Variants in GPRC5A observed in about 807,000 individuals in gnomAD.
GPRC5A encodes G protein-coupled receptor class C group 5 member A, also known as retinoic acid-induced protein 3.
A neutral mutation model predicts 22.5 loss-of-function variants in GPRC5A; 19 were observed. That is an observed-to-expected ratio of 0.85 (90% CI 0.59 to 1.24). The LOEUF (loss-of-function observed/expected upper bound fraction) is 1.24. Ranked by LOEUF, GPRC5A falls within the 50% of genes most tolerant of loss-of-function variation. The probability of loss-of-function intolerance (pLI) is 0.00; values close to 1 mark genes in which losing one functional copy is unlikely to be tolerated. For synonymous variants in GPRC5A, 192 were observed against 184.5 expected (o/e 1.04, Z -0.33); for missense variants, 471 against 451.1 (o/e 1.04, Z -0.40).
intron 1 of GPRC5A, among the ~76,000 whole-genome samples, chr12:12,893,555 C>T (rs891898749): frequency 3.9e-5 from 6 of 152,112 alleles, no homozygotes; most frequent in Non-Finnish European, 7.4e-5. Flanking sequence ...ATGGTCTGCA[C>T]ATTTCTTATT....
At chr12:12,909,972 G>T (rs570968509) in intron 2 of GPRC5A, 12 of 146,142 alleles carry the variant, frequency 8.2e-5, no homozygotes, top group African/African-American at 3.0e-4. Flanking sequence ...AGAATCAAGT[G>T]ATTTTGCTCT....
At chr12:12,899,624 A>G (rs556443685) in intron 1 of GPRC5A, among the ~76,000 whole-genome samples, 1 of 152,352 alleles carries the variant, frequency 6.6e-6, no homozygotes, top group East Asian at 1.9e-4. Flanking sequence ...AAATGAGAGA[A>G]TATGTGTAAA....
At chr12:12,900,852 T>C (rs1863876112) in intron 1 of GPRC5A, among the ~76,000 whole-genome samples, 1 of 121,506 alleles carries the variant, frequency 8.2e-6, no homozygotes, top group Non-Finnish European at 1.6e-5. Context: ...ATCATGCCAT[T>C]GCACTCCAGC....
chr12:12,905,590 G>C (rs909602446), intron 1 of GPRC5A, among the ~76,000 whole-genome samples: 1 of 152,190 alleles, frequency 6.6e-6, no homozygotes, highest in African/African-American at 2.4e-5. Flanking sequence ...GTCTAGCCTT[G>C]TTGAATCTCA....
At position 12,912,234 on chromosome 12, in the gene GPRC5A, C is replaced by T. The variant is rs182130121; in HGVS notation, c.981+92C>T. 169 of 1,017,694 alleles carry T rather than the reference C, an allele frequency of 1.7e-4. 2 individuals are homozygous for T. In the Admixed American group the frequency reaches 2.1e-3, roughly 13 times the overall value. The allele number at this position is 1,017,694 out of a possible 1,614,324, so 63.0% of individuals were successfully genotyped here. A position where few individuals can be genotyped will look rare whatever the true frequency, so the allele number is the denominator to read the frequency against. On this transcript the variant is annotated intron_variant, in intron 3 of 3. Coordinates refer to ENST00000014914, the MANE Select transcript of GPRC5A (RefSeq NM_003979.4). ...ACAGACGATGTTACCTTTCTCATGG[C>T]CCCTAGATGGCCACTTGAAGGAATG...
At chr12:12,893,953 G>C (rs767595607) in intron 1 of GPRC5A, among the ~76,000 whole-genome samples, 40 of 152,100 alleles carry the variant, frequency 2.6e-4, no homozygotes, top group Non-Finnish European at 4.7e-4. Context: ...GTAGAGACAG[G>C]GTTTCACCAT....
chr12:12,908,309 T>C lies in GPRC5A; in HGVS notation c.60T>C (p.Leu20=). ...RNGLKSKYYR[L]CDKAEAWGIV... The stretch of plus-strand genomic sequence containing the variant: ...GCCTGAAATCCAAGTACTACAGACT[T>C]TGTGATAAGGCTGAAGCTTGGGGCA... The change falls in exon 2 of 4, where the codon CTT becomes CTC. Residue 20 remains leucine (L), a synonymous_variant. Transcript: ENST00000014914. The C allele has an allele frequency of 6.2e-7, 1 of 1,612,936 alleles. No individual in the cohort carries two copies. Among genetic ancestry groups the C allele is most frequent in the Non-Finnish European group, 8.5e-7 (1 of 1,179,496 alleles).
At position 12,912,429 on chromosome 12, in the gene GPRC5A, T is replaced by C. The variant is rs1255463363; in HGVS notation, c.982-18T>C. Reference sequence around the variant, plus strand: ...AGGAACTGGAGTGGGTTTCACGATATGACTGTTTCCTTTTCAGAACCAGCC... The same window carrying C: ...AGGAACTGGAGTGGGTTTCACGATACGACTGTTTCCTTTTCAGAACCAGCC... On this transcript the variant is annotated intron_variant, in intron 3 of 3. Transcript: ENST00000014914. 4 of 1,532,828 alleles carry C rather than the reference T, an allele frequency of 2.6e-6. No homozygotes were observed. The highest frequency in any genetic ancestry group is 3.6e-6 in the Non-Finnish European group (4 of 1,105,830). 95.0% of individuals were successfully genotyped at this position (1,532,828 alleles called of 1,614,324 possible).
intron 1 of GPRC5A, among the ~76,000 whole-genome samples, chr12:12,900,907 AAAAAAAC>A (rs1180784318): frequency 2.6e-3 from 308 of 119,028 alleles, no homozygotes; most frequent in East Asian, 3.7e-3. Context: ...AAAAAAAAAA[AAAAAAAC>A]AAAAAAAAAA....
Position 12,908,931 on chromosome 12 carries a change from A to G in GPRC5A, c.682A>G (p.Ile228Val), listed in dbSNP as rs369260893. 6.8e-6 allele frequency: 11 copies of G among 1,613,786 alleles called. No individual in the cohort carries two copies. The highest frequency in any genetic ancestry group is 1.6e-4 in the Middle Eastern group (1 of 6,082). Residue 228 changes from isoleucine (I) to valine (V), a missense_variant, in exon 2 of 4, where the codon ATC (isoleucine) becomes GTC (valine). Ile to Val is a conservative substitution (Grantham distance 29). Coordinates refer to ENST00000014914, the MANE Select transcript of GPRC5A (RefSeq NM_003979.4). ...LLSIAIWVAW[I>V]TLLMLPDFDR... The stretch of plus-strand genomic sequence containing the variant: ...CTCCATTGCCATCTGGGTGGCCTGG[A>G]TCACCCTGCTCATGCTTCCTGACTT...
At chr12:12,897,334 G>T (rs1435251665) in intron 1 of GPRC5A, among the ~76,000 whole-genome samples, 1 of 151,860 alleles carries the variant, frequency 6.6e-6, no homozygotes, top group African/African-American at 2.4e-5. Flanking sequence ...CAGAAATATG[G>T]TAAGTGGATC....
chr12:12,906,733 T>C (rs903369170), intron 1 of GPRC5A, among the ~76,000 whole-genome samples: 1 of 151,968 alleles, frequency 6.6e-6, no homozygotes, highest in Non-Finnish European at 1.5e-5. Context: ...TCATAACTTT[T>C]CGGAATTAGT....
intron 1 of GPRC5A, among the ~76,000 whole-genome samples, chr12:12,895,937 G>A (rs1863818729): frequency 7.0e-6 from 1 of 142,828 alleles, no homozygotes; most frequent in Non-Finnish European, 1.5e-5. Flanking sequence ...AGCTTGCAGT[G>A]AGCCGAGATC....
rs562466330 is a variant in GPRC5A, at chr12:12,893,394, A to G, written c.-8+1730A>G. Among the ~76,000 whole-genome samples, 100 of 152,380 alleles carry G rather than the reference A, an allele frequency of 6.6e-4. 1 individual carries two copies. Among genetic ancestry groups the G allele is most frequent in the African/African-American group, 2.2e-3 (93 of 41,600 alleles). Reference sequence around the variant, plus strand: ...TCTCATTCTGGGTCCACTACTATTTAAAGTCCCAAGATTAAGCTGAGGAAT... The same window carrying G: ...TCTCATTCTGGGTCCACTACTATTTGAAGTCCCAAGATTAAGCTGAGGAAT... On this transcript the variant is annotated intron_variant, in intron 1 of 3. Coordinates refer to ENST00000014914, the MANE Select transcript of GPRC5A (RefSeq NM_003979.4).
rs758177328 is a variant in GPRC5A, at chr12:12,912,427, T to C, written c.982-20T>C. 7.6e-5 allele frequency: 115 copies of C among 1,517,398 alleles called. No homozygotes were observed. The highest frequency in any genetic ancestry group is 9.7e-5 in the Non-Finnish European group (106 of 1,091,908). 94.0% of individuals were successfully genotyped at this position (1,517,398 alleles called of 1,614,324 possible). ...GCAGGAACTGGAGTGGGTTTCACGA[T>C]ATGACTGTTTCCTTTTCAGAACCAG... On this transcript the variant is annotated intron_variant, in intron 3 of 3. Coordinates refer to ENST00000014914, the MANE Select transcript of GPRC5A (RefSeq NM_003979.4).
intron 1 of GPRC5A, among the ~76,000 whole-genome samples, chr12:12,899,909 A>C (rs1051903260): frequency 6.6e-6 from 1 of 152,202 alleles, no homozygotes. Context: ...CAGATGATTC[A>C]TTCTCAGATG....
intron 1 of GPRC5A, among the ~76,000 whole-genome samples, chr12:12,895,396 AC>A (rs1411946738): frequency 1.4e-5 from 2 of 145,290 alleles, no homozygotes; most frequent in East Asian, 4.0e-4. Flanking sequence ...CAAAATAGTT[AC>A]CATTTACATT....
chr12:12,902,817 C>T (rs578080488), intron 1 of GPRC5A, among the ~76,000 whole-genome samples: 2 of 152,124 alleles, frequency 1.3e-5, no homozygotes, highest in Non-Finnish European at 2.9e-5. Flanking sequence ...CCTGTAATCC[C>T]AGCACTTTGG....
At chr12:12,891,741 G>C (rs998603578) in intron 1 of GPRC5A, 77 bp downstream of exon 1, 2 of 152,224 alleles carry the variant, frequency 1.3e-5, no homozygotes. Context: ...GCGTTGGGAG[G>C]GGTGGGATAG....
Sources: gnomAD v4.1 joint callset for allele counts (sites outside exome capture counted in the v4.1 genomes callset) on GRCh38, gnomAD v4.1.1 for gene constraint, MANE v1.5 for transcripts, NCBI Gene and HGNC (gene_info 2026-07-23, HGNC 2026-07-21) for gene names.